The following TTLL11 variants were observed in gnomAD, a reference collection of about 807,000 sequenced individuals.
TTLL11 encodes the protein tubulin tyrosine ligase like 11.
TTLL11 carries 42 observed loss-of-function variants against 51.7 expected under a neutral mutation model. The observed-to-expected ratio is 0.81, with a 90% CI of 0.64 to 1.05. The LOEUF (loss-of-function observed/expected upper bound fraction) is 1.05, where lower values mean the gene tolerates loss of function less well. Ranked by LOEUF, TTLL11 falls within the 50% of genes least tolerant of loss-of-function variation. The pLI, the probability that TTLL11 is intolerant of heterozygous loss-of-function variation, is 0.00. For missense variants in TTLL11, 799 were observed against 940.4 expected, an observed-to-expected ratio of 0.85 and a Z score of 1.97; for synonymous variants, 381 against 383.5, an observed-to-expected ratio of 0.99 and a Z score of 0.08.
At chr9:122,006,981 CAAAAAAAAAAAAA>C (rs71371911) in intron 3 of TTLL11, among the ~76,000 whole-genome samples, 10 of 43,466 alleles carry the variant, frequency 2.3e-4, no homozygotes, top group Admixed American at 3.5e-4. Context: ...GATACTCTGT[CAAAAAAAAAAAAA>C]AAAAAAAAAA....
At chr9:122,054,689 G>T (rs980098388) in intron 1 of TTLL11, among the ~76,000 whole-genome samples, 2 of 152,084 alleles carry the variant, frequency 1.3e-5, no homozygotes, top group East Asian at 1.9e-4. Flanking sequence ...AATTATAAAT[G>T]AACTCCATTA....
At chr9:121,883,256 T>A (rs546655561) in intron 6 of TTLL11, among the ~76,000 whole-genome samples, 1 of 152,160 alleles carries the variant, frequency 6.6e-6, no homozygotes, top group African/African-American at 2.4e-5. Context: ...CTGGTTCTCT[T>A]CTGTAAAATG....
At position 122,082,274 on chromosome 9, in the gene TTLL11, G is replaced by A. The variant is rs1846018980; in HGVS notation, c.462+10413C>T. Among the ~76,000 whole-genome samples the A allele has an allele frequency of 2.0e-5, 3 of 152,088 alleles. No homozygotes were observed. The South Asian group carries it at 6.2e-4, about 32-fold the overall frequency. Reference sequence around the variant, plus strand: ...ATCCCAACACTTTGGGAGGCCAAGGGAGGCAGATCACTTGAGGTCAGGAGT... The same window carrying A: ...ATCCCAACACTTTGGGAGGCCAAGGAAGGCAGATCACTTGAGGTCAGGAGT... On this transcript the variant is annotated intron_variant, in intron 1 of 8. Transcript: ENST00000321582.
chr9:121,828,737 G>A (rs545887335), intron 8 of TTLL11, among the ~76,000 whole-genome samples: 1 of 152,106 alleles, frequency 6.6e-6, no homozygotes, highest in South Asian at 2.1e-4. Context: ...CTTGGGACCT[G>A]GGTGGTTGTT....
rs1836630684 is a variant in TTLL11 at position 121,822,999 on chromosome 9, C to A, written c.1841-120G>T. ...TAGCCCCGCTCCCCACCACCGTCTCCATTCCAGAAACTCCTAACAGGGCTA... is the reference window on the plus strand; with the variant it reads ...TAGCCCCGCTCCCCACCACCGTCTCAATTCCAGAAACTCCTAACAGGGCTA... On this transcript the variant is annotated intron_variant, in intron 8 of 8. Transcript: ENST00000321582. This position sits in a 1 kb window ranked among gnomAD's most constrained non-coding sequence, Gnocchi z 5.8. The A allele has an allele frequency of 3.3e-6, 4 of 1,196,550 alleles. No homozygotes were observed. The highest frequency in any genetic ancestry group is 4.6e-6 in the Non-Finnish European group (4 of 874,496). The allele number at this position is 1,196,550 out of a possible 1,614,324, so 74.1% of individuals were successfully genotyped here.
intron 6 of TTLL11, among the ~76,000 whole-genome samples, chr9:121,948,394 A>G (rs1841742789): frequency 6.6e-6 from 1 of 152,184 alleles, no homozygotes; most frequent in Non-Finnish European, 1.5e-5. Flanking sequence ...TGACAGAAAA[A>G]ATGTTTCTTA....
chr9:122,038,099 A>G (rs1462020246), intron 2 of TTLL11, among the ~76,000 whole-genome samples: 1 of 152,244 alleles, frequency 6.6e-6, no homozygotes, highest in Non-Finnish European at 1.5e-5. Flanking sequence ...AAGGATGAGT[A>G]AACTTGCTTA....
chr9:122,093,051 G>GTGGCCT lies in TTLL11; in HGVS notation c.92_97dup (p.Ala32_Thr33insLysAla), dbSNP rs201653732. 349,865 of 1,517,912 alleles carry GTGGCCT rather than the reference G, an allele frequency of 0.23. 42,737 individuals are homozygous for GTGGCCT. Among genetic ancestry groups the GTGGCCT allele is most frequent in the Non-Finnish European group, 0.25 (284,719 of 1,140,538 alleles). The allele number at this position is 1,517,912 out of a possible 1,614,324, so 94.0% of individuals were successfully genotyped here. A position where few individuals can be genotyped will look rare whatever the true frequency, so the allele number is the denominator to read the frequency against. Reference sequence around the variant, plus strand: ...GACCTGTTCCGCCACCGTCTCCGCTGTGGCCTCGGCCTCAGCTTTGGCCGC... The same window carrying GTGGCCT: ...GACCTGTTCCGCCACCGTCTCCGCTGTGGCCTTGGCCTCGGCCTCAGCTTTGGCCGC... On this transcript the variant is annotated inframe_insertion, in exon 1 of 9. Coordinates refer to ENST00000321582, the MANE Select transcript of TTLL11 (RefSeq NM_001139442.2).
chr9:121,818,126 C>T lies in TTLL11; in HGVS notation c.*4461G>A, dbSNP rs6478529. 0.39 allele frequency: 59,798 copies of T among 152,100 alleles called. 12,598 individuals are homozygous for T. Among genetic ancestry groups the T allele is most frequent in the African/African-American group, 0.55 (22,654 of 41,434 alleles). The allele number at this position is 152,100 out of a possible 1,614,324, so 9.4% of individuals were successfully genotyped here. ...CAGAGTTGAAAGGAGGCTGGCTAGC[C>T]GGCTGGAGGGGTGTTGGTGAGGACT... is the stretch of plus-strand genomic sequence containing the variant. On this transcript the variant is annotated 3_prime_UTR_variant, in exon 9 of 9. Coordinates refer to ENST00000321582, the MANE Select transcript of TTLL11 (RefSeq NM_001139442.2).
intron 1 of TTLL11, among the ~76,000 whole-genome samples, chr9:122,040,554 T>C (rs1401269496): frequency 6.6e-6 from 1 of 152,216 alleles, no homozygotes; most frequent in East Asian, 1.9e-4. Context: ...CACAAATAGA[T>C]ATGCCAACAT....
chr9:121,859,881 C>T (rs924905704), intron 8 of TTLL11, among the ~76,000 whole-genome samples: 2 of 152,232 alleles, frequency 1.3e-5, no homozygotes, highest in African/African-American at 4.8e-5. Flanking sequence ...TGAGGAGCTC[C>T]TCCGCTGAGT....
In TTLL11 at chr9:122,075,966, A is replaced by C. The variant is rs151260375; in HGVS notation, c.462+16721T>G. On this transcript the variant is annotated intron_variant, in intron 1 of 8. Transcript: ENST00000321582. Reference sequence around the variant, plus strand: ...AAAAAAAATCAGCTCTAGAACCATTATTGATTCCACAGTTCAATTCAATCA... The same window carrying C: ...AAAAAAAATCAGCTCTAGAACCATTCTTGATTCCACAGTTCAATTCAATCA... 6.6e-4 allele frequency among the ~76,000 whole-genome samples: 100 copies of C among 152,286 alleles called. 1 individual carries two copies. The highest frequency in any genetic ancestry group is 2.4e-3 in the African/African-American group (99 of 41,554).
At chr9:122,064,789 T>C (rs1277450577) in intron 1 of TTLL11, among the ~76,000 whole-genome samples, 2 of 151,928 alleles carry the variant, frequency 1.3e-5, no homozygotes, top group African/African-American at 4.8e-5. Context: ...AGGGAAGAGG[T>C]GGGGAGAGAA....
rs1841350279 is a variant in TTLL11, at chr9:121,939,183, CTTTAAT to C, written c.1481+34820_1481+34825del. On this transcript the variant is annotated intron_variant, in intron 6 of 8. Coordinates refer to ENST00000321582, the MANE Select transcript of TTLL11 (RefSeq NM_001139442.2). ...AAGAGGGACTGCTGTATAATATTTC[CTTTAAT>C]AAACCCTAGTATTTGCTTATAATAA... Among the ~76,000 whole-genome samples the C allele has an allele frequency of 3.3e-5, 5 of 152,212 alleles. No individual in the cohort carries two copies. In the East Asian group the frequency reaches 9.7e-4, roughly 29 times the overall value.
At chr9:121,960,169 G>A (rs1842171020) in intron 6 of TTLL11, among the ~76,000 whole-genome samples, 1 of 152,016 alleles carries the variant, frequency 6.6e-6, no homozygotes, top group Non-Finnish European at 1.5e-5. Flanking sequence ...ATAAAACAAA[G>A]TTTAGTTTTG....
In TTLL11 at chr9:121,817,223, C is replaced by T. The variant is rs2119091376; in HGVS notation, c.*5364G>A. 6.6e-6 allele frequency: 1 copy of T among 151,930 alleles called. No individual in the cohort carries two copies. The highest frequency in any genetic ancestry group is 2.0e-4 in the East Asian group (1 of 5,128). The allele number at this position is 151,930 out of a possible 1,614,324, so 9.4% of individuals were successfully genotyped here. On this transcript the variant is annotated 3_prime_UTR_variant, in exon 9 of 9. Coordinates refer to ENST00000321582, the MANE Select transcript of TTLL11 (RefSeq NM_001139442.2). Reference sequence around the variant, plus strand: ...CAATCACAAGGCACATTCCGGGTGTCAGAGGAGCAGCAGGAATCATTTCTC... The same window carrying T: ...CAATCACAAGGCACATTCCGGGTGTTAGAGGAGCAGCAGGAATCATTTCTC...
chr9:121,884,369 G>A (rs918137898), intron 6 of TTLL11, among the ~76,000 whole-genome samples: 16 of 152,156 alleles, frequency 1.1e-4, no homozygotes, highest in African/African-American at 3.6e-4. Context: ...AAACAAAAGC[G>A]ACTCTTTTAG....
intron 3 of TTLL11, among the ~76,000 whole-genome samples, chr9:121,990,654 C>A (rs751483484): frequency 1.3e-5 from 2 of 152,158 alleles, no homozygotes. Context: ...AAGGGCCAAG[C>A]GCAACACCAA....
intron 6 of TTLL11, among the ~76,000 whole-genome samples, chr9:121,923,378 A>G (rs1447336640): frequency 6.6e-6 from 1 of 152,208 alleles, no homozygotes. Context: ...GCAGGTGGAC[A>G]GGGTCTAGAA....
Sources: allele counts gnomAD v4.1 joint callset (sites outside exome capture counted in the v4.1 genomes callset), GRCh38; gene constraint gnomAD v4.1.1; non-coding constraint Gnocchi (gnomAD v3.1); transcripts MANE v1.5; gene names NCBI Gene and HGNC (gene_info 2026-07-23, HGNC 2026-07-21).